The following CCNJ variants were observed in gnomAD, a reference collection of about 807,000 sequenced individuals.
The protein encoded by CCNJ is cyclin-J.
Under a neutral mutation model 41.4 loss-of-function variants are expected in CCNJ, and 12 were observed. The ratio of observed to expected loss-of-function variants is 0.29; its 90% CI spans 0.19 to 0.47. CCNJ has a LOEUF of 0.47. CCNJ is among the 20% of genes least tolerant of loss of function. The pLI is 1.00. For synonymous variants in CCNJ, 161 were observed against 173.4 expected, an observed-to-expected ratio of 0.93 and a Z score of 0.56; for missense variants, 340 against 464.6, an observed-to-expected ratio of 0.73 and a Z score of 2.47.
chr10:96,058,824 T>C lies in CCNJ; in HGVS notation c.*583T>C, dbSNP rs184086711. On this transcript the variant is annotated 3_prime_UTR_variant, in exon 6 of 6. Transcript: ENST00000465148. ...ATTCTATATAACTTCGTCTCACAAA[T>C]AGTGTAGGTATCTGGGTTTATATAC... 191 of 232,034 alleles carry C rather than the reference T, an allele frequency of 8.2e-4. No homozygotes were observed. Among genetic ancestry groups the C allele is most frequent in the African/African-American group, 3.9e-3 (174 of 44,700 alleles). 14.4% of individuals were successfully genotyped at this position (232,034 alleles called of 1,614,324 possible).
Position 96,044,495 on chromosome 10 carries a change from T to G in CCNJ, c.69+33T>G, listed in dbSNP as rs372069680. 5 of 1,437,080 alleles carry G rather than the reference T, an allele frequency of 3.5e-6. No homozygotes were observed. The African/African-American group carries it at 5.8e-5, about 17-fold the overall frequency. 89.0% of individuals were successfully genotyped at this position (1,437,080 alleles called of 1,614,324 possible). Reference sequence around the variant, plus strand: ...CGAGGCCCGGCCTGCCTTCTCCTTCTGTGTGTCGCGCCAGTTGTTCTGAAT... The same window carrying G: ...CGAGGCCCGGCCTGCCTTCTCCTTCGGTGTGTCGCGCCAGTTGTTCTGAAT... On this transcript the variant is annotated intron_variant, in intron 2 of 5. Transcript: ENST00000465148.
chr10:96,052,589 GT>G (rs1291599381), intron 3 of CCNJ, among the ~76,000 whole-genome samples: 1 of 152,148 alleles, frequency 6.6e-6, no homozygotes, highest in Non-Finnish European at 1.5e-5. Flanking sequence ...ATTTCTGTTA[GT>G]TTAAGGTCAT....
At chr10:96,057,751 T>C in intron 5 of CCNJ, 79 bp from the exon 6 acceptor site, 1 of 1,340,084 alleles carries the variant, frequency 7.5e-7, no homozygotes. Context: ...AGCTGTTGAG[T>C]TGGGGATGGG....
chr10:96,044,481 C>T lies in CCNJ; in HGVS notation c.69+19C>T, dbSNP rs753197272. ...CTACAAGGTAACTCCGAGGCCCGGC[C>T]TGCCTTCTCCTTCTGTGTGTCGCGC... On this transcript the variant is annotated intron_variant, in intron 2 of 5. Coordinates refer to ENST00000465148, the MANE Select transcript of CCNJ (RefSeq NM_001134375.2). The T allele has an allele frequency of 8.0e-6, 12 of 1,496,492 alleles. No individual in the cohort carries two copies. In the East Asian group the frequency reaches 2.3e-4, roughly 29 times the overall value. 92.7% of individuals were successfully genotyped at this position (1,496,492 alleles called of 1,614,324 possible). A position where few individuals can be genotyped will look rare whatever the true frequency, so the allele number is the denominator to read the frequency against.
chr10:96,043,977 T>C (rs2080286496), intron 1 of CCNJ, among the ~76,000 whole-genome samples: 1 of 152,118 alleles, frequency 6.6e-6, no homozygotes, highest in Admixed American at 6.5e-5. Context: ...GCTATGAGCG[T>C]GTCACCTCTC....
rs758585452 is a variant in CCNJ at position 96,058,674 on chromosome 10, T to C, written c.*433T>C. ...TATGAAGGAAAGTTACAGTATTAAT[T>C]TTTGAAAAGGTTTTTTTTATTCTGC... On this transcript the variant is annotated 3_prime_UTR_variant, in exon 6 of 6. Coordinates refer to ENST00000465148, the MANE Select transcript of CCNJ (RefSeq NM_001134375.2). The C allele has an allele frequency of 5.0e-6, 2 of 399,188 alleles. No homozygotes were observed. The highest frequency in any genetic ancestry group is 4.3e-5 in the Admixed American group (1 of 23,128). The allele number at this position is 399,188 out of a possible 1,614,324, so 24.7% of individuals were successfully genotyped here.
rs1399263327 is a variant in CCNJ at position 96,058,390 on chromosome 10, T to A, written c.*149T>A. The A allele has an allele frequency of 1.6e-6, 1 of 620,402 alleles. No individual in the cohort carries two copies. The highest frequency in any genetic ancestry group is 2.8e-6 in the Non-Finnish European group (1 of 355,730). 38.4% of individuals were successfully genotyped at this position (620,402 alleles called of 1,614,324 possible). ...CACCAGGAAGACTGAATATCCTTTT[T>A]AATGCACCATGAATCCTGGGAGACT... On this transcript the variant is annotated 3_prime_UTR_variant, in exon 6 of 6. Coordinates refer to ENST00000465148, the MANE Select transcript of CCNJ (RefSeq NM_001134375.2).
chr10:96,046,030 T>A (rs992257767), intron 2 of CCNJ, among the ~76,000 whole-genome samples: 2 of 142,704 alleles, frequency 1.4e-5, no homozygotes, highest in Non-Finnish European at 3.1e-5. Context: ...TTTTAATTCG[T>A]GAGTGATTAT....
At chr10:96,052,143 C>G (rs1166905393) in intron 3 of CCNJ, among the ~76,000 whole-genome samples, 1 of 152,144 alleles carries the variant, frequency 6.6e-6, no homozygotes, top group African/African-American at 2.4e-5. Flanking sequence ...TATAATTAAC[C>G]TTTAATTTAG....
At chr10:96,046,442 T>C (rs1330390018) in intron 2 of CCNJ, among the ~76,000 whole-genome samples, 1 of 152,238 alleles carries the variant, frequency 6.6e-6, no homozygotes, top group South Asian at 2.1e-4. Flanking sequence ...ACGTGGTAAT[T>C]CCAGGCTATT....
At chr10:96,056,587 C>A in intron 3 of CCNJ, 114 bp from the exon 4 acceptor site, 1 of 737,088 alleles carries the variant, frequency 1.4e-6, no homozygotes, top group Non-Finnish European at 2.3e-6. Flanking sequence ...AAGGTAAGTA[C>A]GTCTTTGGAT....
chr10:96,044,330 C>CG, intron 1 of CCNJ, 23 bp from the exon 2 acceptor site: 1 of 1,316,100 alleles, frequency 7.6e-7, no homozygotes, highest in Non-Finnish European at 1.0e-6. Context: ...CGGCAGTGAC[C>CG]GCGCCTGGGG....
intron 2 of CCNJ, among the ~76,000 whole-genome samples, chr10:96,048,715 T>G (rs2080434396): frequency 6.6e-6 from 1 of 152,226 alleles, no homozygotes. Flanking sequence ...ACTTTTTTCA[T>G]TTAGCATACT....
rs1020274810 is a variant in CCNJ, at chr10:96,059,642, G to A, written c.*1401G>A. Reference sequence around the variant, plus strand: ...AGCTTTCTGGTTTAAAAATTAGTAAGGTGTGTCTTTTTGTTTTTTTTAAGA... The same window carrying A: ...AGCTTTCTGGTTTAAAAATTAGTAAAGTGTGTCTTTTTGTTTTTTTTAAGA... On this transcript the variant is annotated 3_prime_UTR_variant, in exon 6 of 6. Coordinates refer to ENST00000465148, the MANE Select transcript of CCNJ (RefSeq NM_001134375.2). 1 of 152,564 alleles carries A rather than the reference G, an allele frequency of 6.6e-6. No homozygotes were observed. The highest frequency in any genetic ancestry group is 1.5e-5 in the Non-Finnish European group (1 of 68,044). 9.5% of individuals were successfully genotyped at this position (152,564 alleles called of 1,614,324 possible).
Position 96,050,458 on chromosome 10 carries a change from T to C in CCNJ, c.272T>C (p.Leu91Pro), listed in dbSNP as rs1234749737. The change falls in exon 3 of 6, where the codon CTT becomes CCT. Residue 91 changes from leucine (L) to proline (P), a missense_variant. Leu to Pro is a moderately conservative substitution (Grantham distance 98, BLOSUM62 -3). Coordinates refer to ENST00000465148, the MANE Select transcript of CCNJ (RefSeq NM_001134375.2). ...QLHLVALSCL[L>P]LASKFEEKED... ...CATTTAGTTGCGCTTTCCTGCCTGC[T>C]TCTAGCAAGTAAGTATGAATCTGAT... The C allele has an allele frequency of 6.2e-7, 1 of 1,612,356 alleles. No individual in the cohort carries two copies. The highest frequency in any genetic ancestry group is 8.5e-7 in the Non-Finnish European group (1 of 1,178,378).
chr10:96,053,647 C>T (rs2080594733), intron 3 of CCNJ, among the ~76,000 whole-genome samples: 1 of 152,126 alleles, frequency 6.6e-6, no homozygotes, highest in East Asian at 1.9e-4. Flanking sequence ...CAAGATCTTA[C>T]ATAACTAAGA....
At chr10:96,050,172 T>C in intron 2 of CCNJ, 84 bp from the exon 3 acceptor site, 1 of 914,070 alleles carries the variant, frequency 1.1e-6, no homozygotes, top group South Asian at 1.4e-5. Context: ...AATACTAATA[T>C]ATTGGAAAAA....
chr10:96,049,316 T>TTTTG (rs1488793627), intron 2 of CCNJ, among the ~76,000 whole-genome samples: 14 of 152,152 alleles, frequency 9.2e-5, no homozygotes, highest in Non-Finnish European at 2.1e-4. Context: ...GTTATCCAGT[T>TTTTG]GTATAAGTTA....
chr10:96,058,363 A>G lies in CCNJ; in HGVS notation c.*122A>G. 1.4e-6 allele frequency: 1 copy of G among 733,076 alleles called. No individual in the cohort carries two copies. Among genetic ancestry groups the G allele is most frequent in the South Asian group, 1.8e-5 (1 of 55,842 alleles). 45.4% of individuals were successfully genotyped at this position (733,076 alleles called of 1,614,324 possible). On this transcript the variant is annotated 3_prime_UTR_variant, in exon 6 of 6. Coordinates refer to ENST00000465148, the MANE Select transcript of CCNJ (RefSeq NM_001134375.2). ...ATGACATCAGAACTCTTCAGGTACC[A>G]GCACCAGGAAGACTGAATATCCTTT...
Sources: allele counts gnomAD v4.1 joint callset (sites outside exome capture counted in the v4.1 genomes callset), GRCh38; gene constraint gnomAD v4.1.1; transcripts MANE v1.5; gene names NCBI Gene and HGNC (gene_info 2026-07-23, HGNC 2026-07-21).